Variants in MTFR1 observed in about 807,000 individuals in gnomAD.
MTFR1 encodes mitochondrial fission regulator 1, also known as chondrocyte protein with a poly-proline region.
A neutral mutation model predicts 38.8 loss-of-function variants in MTFR1; 28 were observed. That is an observed-to-expected ratio of 0.72 (90% CI 0.53 to 0.99). The LOEUF (loss-of-function observed/expected upper bound fraction) is 0.99, where lower values mean the gene tolerates loss of function less well. Among genes scored for constraint, MTFR1 ranks in the 50% least tolerant of loss-of-function variants. MTFR1 has a pLI of 0.00. For synonymous variants in MTFR1, 145 were observed against 137.0 expected, an observed-to-expected ratio of 1.06 and a Z score of -0.41; for missense variants, 358 against 395.5, an observed-to-expected ratio of 0.91 and a Z score of 0.81.
At chr8:65,699,302 C>T (rs560756494) in intron 4 of MTFR1, among the ~76,000 whole-genome samples, 2 of 152,272 alleles carry the variant, frequency 1.3e-5, no homozygotes, top group South Asian at 4.1e-4. Context: ...GTGATGAACA[C>T]GTGTGCTTGT....
intron 1 of MTFR1, among the ~76,000 whole-genome samples, chr8:65,647,013 G>A (rs1294630800): frequency 6.6e-6 from 1 of 152,224 alleles, no homozygotes; most frequent in African/African-American, 2.4e-5. Context: ...AAGTCCAGAA[G>A]TCAGGTCAGA....
At chr8:65,645,453 G>A (rs1280334314) in intron 1 of MTFR1, among the ~76,000 whole-genome samples, 5 of 152,228 alleles carry the variant, frequency 3.3e-5, no homozygotes, top group African/African-American at 1.2e-4. Flanking sequence ...ATTGAACGAA[G>A]GATATAAGGA....
chr8:65,770,939 C>T (rs1809055470), intron 3 of MTFR1: 3 of 227,212 alleles, frequency 1.3e-5, no homozygotes, highest in Admixed American at 5.6e-5. Context: ...CTCTTCATAC[C>T]CTTTCAGAAA....
intron 3 of MTFR1, among the ~76,000 whole-genome samples, chr8:65,683,524 C>T: frequency 6.6e-6 from 1 of 152,106 alleles, no homozygotes; most frequent in East Asian, 1.9e-4. Flanking sequence ...AAGAACATTT[C>T]AGTTCAACAT....
the MTFR1 span, among the ~76,000 whole-genome samples, chr8:65,777,156 C>T: frequency 2.0e-5 from 3 of 149,832 alleles, no homozygotes; most frequent in Non-Finnish European, 3.0e-5. Context: ...CCTGGCTAAC[C>T]GCAACCTCTG....
At chr8:65,681,929 T>A (rs1352763958) in intron 2 of MTFR1, 1 of 153,414 alleles carries the variant, frequency 6.5e-6, no homozygotes, top group Non-Finnish European at 1.5e-5. Flanking sequence ...TAATTTGGGA[T>A]TGTTTTGAAA....
intron 3 of MTFR1, among the ~76,000 whole-genome samples, chr8:65,759,639 T>A (rs986083084): frequency 2.0e-5 from 3 of 152,182 alleles, no homozygotes; most frequent in Non-Finnish European, 4.4e-5. Context: ...TGGGTAGTTG[T>A]TTCAGTGGAG....
chr8:65,776,107 A>G (rs958821751), downstream of MTFR1, among the ~76,000 whole-genome samples: 1 of 152,176 alleles, frequency 6.6e-6, no homozygotes, highest in Non-Finnish European at 1.5e-5. Context: ...AATTATCAGC[A>G]TAATTTGGCA....
downstream of MTFR1, among the ~76,000 whole-genome samples, chr8:65,774,547 C>G (rs1472668008): frequency 1.3e-5 from 2 of 151,746 alleles, no homozygotes; most frequent in Non-Finnish European, 2.9e-5. Flanking sequence ...ATTGACAACC[C>G]AAATAACTTT....
chr8:65,690,797 C>T (rs1320559401), intron 3 of MTFR1, among the ~76,000 whole-genome samples: 1 of 152,130 alleles, frequency 6.6e-6, no homozygotes, highest in Non-Finnish European at 1.5e-5. Flanking sequence ...AGGCACCATT[C>T]AGATTTTAGT....
chr8:65,736,604 A>C (rs907258064), intron 3 of MTFR1, among the ~76,000 whole-genome samples: 4 of 151,814 alleles, frequency 2.6e-5, no homozygotes, highest in Non-Finnish European at 5.9e-5. Flanking sequence ...ATAAAAATGT[A>C]GTCTGGTGTG....
At chr8:65,764,034 G>A (rs1808642968) in intron 3 of MTFR1, among the ~76,000 whole-genome samples, 1 of 152,164 alleles carries the variant, frequency 6.6e-6, no homozygotes. Flanking sequence ...CTGGAAACTA[G>A]GTGAAAGTTT....
chr8:65,707,778 AAG>A, intron 6 of MTFR1, 63 bp from the exon 7 acceptor site: 3 of 1,563,786 alleles, frequency 1.9e-6, no homozygotes, highest in Non-Finnish European at 2.6e-6. Context: ...AAGGTTGACA[AAG>A]TACTTCCCTG....
At chr8:65,647,559 C>T (rs945732040) in intron 1 of MTFR1, among the ~76,000 whole-genome samples, 8 of 152,228 alleles carry the variant, frequency 5.3e-5, no homozygotes, top group African/African-American at 1.9e-4. Flanking sequence ...ATCCAACTGC[C>T]TCAGCCTCCT....
chr8:65,690,264 G>T (rs1805231822), intron 3 of MTFR1, among the ~76,000 whole-genome samples: 1 of 152,072 alleles, frequency 6.6e-6, no homozygotes. Context: ...GCTGGGCGTG[G>T]TGGTGCATAC....
chr8:65,712,468 T>C (rs1805975459), downstream of MTFR1, among the ~76,000 whole-genome samples: 1 of 152,172 alleles, frequency 6.6e-6, no homozygotes, highest in Non-Finnish European at 1.5e-5. Flanking sequence ...GGAGCTCAAA[T>C]AAAGATGTTA....
At chr8:65,661,350 T>G (rs527891336) in intron 1 of MTFR1, among the ~76,000 whole-genome samples, 12 of 152,362 alleles carry the variant, frequency 7.9e-5, no homozygotes, top group African/African-American at 2.4e-4. Flanking sequence ...ACATTTAAAC[T>G]GCTCTAAAAA....
chr8:65,725,069 G>T, intron 3 of MTFR1: 1 of 462,022 alleles, frequency 2.2e-6, no homozygotes, highest in Non-Finnish European at 3.7e-6. Flanking sequence ...CACAAAAAAT[G>T]AGTTTTATAG....
chr8:65,725,903 A>C (rs535061586), intron 3 of MTFR1, among the ~76,000 whole-genome samples: 30 of 152,148 alleles, frequency 2.0e-4, no homozygotes, highest in Non-Finnish European at 4.4e-5. Flanking sequence ...TGTTTAAGCA[A>C]TTTTCGTATT....
Sources: allele counts gnomAD v4.1 joint callset (sites outside exome capture counted in the v4.1 genomes callset), GRCh38; gene constraint gnomAD v4.1.1; transcripts MANE v1.5; gene names NCBI Gene and HGNC (gene_info 2026-07-23, HGNC 2026-07-21).